CELF2: variants seen among roughly 807,000 people sequenced by gnomAD.
CELF2 encodes CUG triplet repeat RNA-binding protein 2.
A neutral mutation model predicts 62.6 loss-of-function variants in CELF2; 8 were observed. That is an observed-to-expected ratio of 0.13 (90% CI 0.07 to 0.23). CELF2 has a LOEUF of 0.23. CELF2 is among the 10% of genes least tolerant of loss of function. The pLI, the probability that CELF2 is intolerant of heterozygous loss-of-function variation, is 1.00. For synonymous variants in CELF2, 258 were observed against 250.0 expected, an observed-to-expected ratio of 1.03 and a Z score of -0.30; for missense variants, 333 against 671.0, an observed-to-expected ratio of 0.50 and a Z score of 5.56.
chr10:11,307,769 C>CT (rs2094335609), intron 9 of CELF2, among the ~76,000 whole-genome samples: 1 of 152,096 alleles, frequency 6.6e-6, no homozygotes, highest in Non-Finnish European at 1.5e-5. Context: ...GAGTTGTGTT[C>CT]TTTATTAAGA....
chr10:10,778,525 A>G, the CELF2 span, among the ~76,000 whole-genome samples: 1 of 152,234 alleles, frequency 6.6e-6, no homozygotes, highest in Non-Finnish European at 1.5e-5. Flanking sequence ...ATAGACAAAT[A>G]GAACACATTT....
intron 2 of CELF2, among the ~76,000 whole-genome samples, chr10:11,193,596 C>T (rs796847128): frequency 1.6e-4 from 24 of 152,288 alleles, no homozygotes; most frequent in African/African-American, 5.3e-4. Context: ...TTCATTCCAC[C>T]TGAGGACTCC....
the CELF2 span, among the ~76,000 whole-genome samples, chr10:10,672,532 G>A: frequency 2.8e-3 from 425 of 149,748 alleles, 4 homozygotes; most frequent in African/African-American, 9.9e-3. Flanking sequence ...TAGTTGGTCC[G>A]GCACAATTTG....
At chr10:10,501,431 G>A in the CELF2 span, among the ~76,000 whole-genome samples, 1 of 151,888 alleles carries the variant, frequency 6.6e-6, no homozygotes, top group Non-Finnish European at 1.5e-5. Flanking sequence ...CCTGTCTTTT[G>A]CCCACTTTAT....
the CELF2 span, among the ~76,000 whole-genome samples, chr10:10,492,926 C>G: frequency 6.6e-6 from 1 of 152,138 alleles, no homozygotes; most frequent in Non-Finnish European, 1.5e-5. Flanking sequence ...TTCTCATTCT[C>G]TCTCTTGCCT....
At chr10:10,771,180 C>T in the CELF2 span, among the ~76,000 whole-genome samples, 7 of 152,198 alleles carry the variant, frequency 4.6e-5, no homozygotes, top group Non-Finnish European at 1.0e-4. Context: ...CCTGACCCAA[C>T]TTGCAATATC....
chr10:11,202,628 A>G (rs1224503736), intron 2 of CELF2, among the ~76,000 whole-genome samples: 2 of 152,226 alleles, frequency 1.3e-5, no homozygotes, highest in African/African-American at 2.4e-5. Flanking sequence ...TCTCACTAAC[A>G]TCGAAAGCGT....
In CELF2 at chr10:11,258,794, C is replaced by T. The variant is rs148989008; in HGVS notation, c.538+922C>T. 3.4e-3 allele frequency among the ~76,000 whole-genome samples: 518 copies of T among 152,342 alleles called. 3 individuals carry two copies. The highest frequency in any genetic ancestry group is 0.011 in the African/African-American group (458 of 41,580). On this transcript the variant is annotated intron_variant, in intron 5 of 12. Transcript: ENST00000633077. ...CTCCACCTCCCAGGTTCAAGCAATT[C>T]CCCTGCCTCAGCCTCCCGAGGAGCT...
At chr10:10,711,079 T>G in the CELF2 span, among the ~76,000 whole-genome samples, 1 of 152,164 alleles carries the variant, frequency 6.6e-6, no homozygotes, top group South Asian at 2.1e-4. Flanking sequence ...AGGGTTGCAG[T>G]GGTCCTGGCC....
the CELF2 span, among the ~76,000 whole-genome samples, chr10:10,757,666 A>C: frequency 6.6e-6 from 1 of 152,168 alleles, no homozygotes; most frequent in Non-Finnish European, 1.5e-5. Context: ...TTTTTCCCAA[A>C]AATATAAGAA....
intron 8 of CELF2, among the ~76,000 whole-genome samples, chr10:11,276,230 C>A (rs187093859): frequency 2.0e-5 from 3 of 152,220 alleles, no homozygotes; most frequent in Admixed American, 6.5e-5. Context: ...TCGGCAGCCC[C>A]GCCGTTGTGG....
At chr10:11,254,255 G>A (rs1410374510) in intron 4 of CELF2, among the ~76,000 whole-genome samples, 2 of 152,230 alleles carry the variant, frequency 1.3e-5, no homozygotes, top group Admixed American at 6.5e-5. Context: ...TCCCCATATT[G>A]CCTTTAAAGC....
rs865898589 is a variant in CELF2 at position 10,931,176 on chromosome 10, G to C, written c.89+11177G>C. ...CCTTTTCCTTCTTTCTGGCGAATAC[G>C]CAGTTTTCCTTTTGGACTGAAACCA... On this transcript the variant is annotated intron_variant, in intron 2 of 13. Coordinates refer to the CELF2 transcript ENST00000636488. This position sits in a 1 kb window ranked among gnomAD's most constrained non-coding sequence, Gnocchi z 6.1. 3.9e-5 allele frequency among the ~76,000 whole-genome samples: 6 copies of C among 151,982 alleles called. No homozygotes were observed. Among genetic ancestry groups the C allele is most frequent in the Admixed American group, 3.9e-4 (6 of 15,254 alleles).
intron 1 of CELF2, among the ~76,000 whole-genome samples, chr10:11,043,112 T>C (rs1296261): frequency 0.38 from 58,525 of 152,118 alleles, 13,053 homozygotes; most frequent in East Asian, 0.74. Flanking sequence ...TGCACCATTT[T>C]ACCTTCCCAC....
intron 1 of CELF2, among the ~76,000 whole-genome samples, chr10:11,148,415 A>G (rs1013537184): frequency 1.3e-5 from 2 of 152,306 alleles, no homozygotes; most frequent in Admixed American, 1.3e-4. Context: ...GTTTTGCCCA[A>G]TATGCTTTTT....
At chr10:11,234,977 G>C (rs1015685958) in intron 3 of CELF2, among the ~76,000 whole-genome samples, 6 of 152,154 alleles carry the variant, frequency 3.9e-5, no homozygotes, top group African/African-American at 1.4e-4. Context: ...CAATGATGCA[G>C]TGAGTTTTCT....
At chr10:10,540,355 G>C in the CELF2 span, among the ~76,000 whole-genome samples, 1 of 152,142 alleles carries the variant, frequency 6.6e-6, no homozygotes, top group Non-Finnish European at 1.5e-5. Flanking sequence ...ACACAGTCCT[G>C]GGTTCCAGGC....
the CELF2 span, among the ~76,000 whole-genome samples, chr10:10,493,733 C>T: frequency 1.3e-5 from 2 of 151,948 alleles, no homozygotes; most frequent in African/African-American, 2.4e-5. Flanking sequence ...GGTTTCACCA[C>T]GTTGGCCAGG....
intron 1 of CELF2, among the ~76,000 whole-genome samples, chr10:10,857,649 G>GTATACATATATATATA (rs2059804779): frequency 1.1e-5 from 1 of 94,258 alleles, no homozygotes. Flanking sequence ...CATATATATA[G>GTATACATATATATATA]TATATATATA....
Sources: gnomAD v4.1 joint callset for allele counts (sites outside exome capture counted in the v4.1 genomes callset) on GRCh38, gnomAD v4.1.1 for gene constraint, Gnocchi (gnomAD v3.1) non-coding constraint, MANE v1.5 for transcripts, NCBI Gene and HGNC (gene_info 2026-07-23, HGNC 2026-07-21) for gene names.